DCAF17: variants seen among roughly 807,000 people sequenced by gnomAD.
DCAF17 encodes the protein DDB1 and CUL4 associated factor 17, also known as DDB1- and CUL4-associated factor 17.
In DCAF17, 48 loss-of-function variants were observed where a neutral mutation model predicts 66.0. That is an observed-to-expected ratio of 0.73 (90% CI 0.58 to 0.92). The LOEUF is 0.92. Ranked by LOEUF, DCAF17 falls within the 40% of genes least tolerant of loss-of-function variation. The pLI, the probability that DCAF17 is intolerant of heterozygous loss-of-function variation, is 0.00. For missense variants in DCAF17, 562 were observed against 622.8 expected (o/e 0.90, Z 1.04); for synonymous variants, 206 against 214.6 (o/e 0.96, Z 0.35).
At chr2:171,437,365 C>T (rs1185803248) in intron 2 of DCAF17, among the ~76,000 whole-genome samples, 1 of 152,148 alleles carries the variant, frequency 6.6e-6, no homozygotes, top group Non-Finnish European at 1.5e-5. Context: ...CATTGCAAGG[C>T]CTTGCCACCC....
chr2:171,439,511 CTTTTTTTTTT>C (rs374646610), intron 2 of DCAF17, among the ~76,000 whole-genome samples: 3 of 94,774 alleles, frequency 3.2e-5, no homozygotes, highest in African/African-American at 1.2e-4. Flanking sequence ...CTTTTTTTTC[CTTTTTTTTTT>C]TTTTTTTTTT....
chr2:171,441,815 T>G (rs1376592932), intron 2 of DCAF17, among the ~76,000 whole-genome samples: 2 of 152,254 alleles, frequency 1.3e-5, no homozygotes, highest in African/African-American at 2.4e-5. Context: ...CCCAGGACCA[T>G]TTGCAGAGAC....
At chr2:171,479,706 T>C (rs1415068277) in intron 12 of DCAF17, 2 of 325,618 alleles carry the variant, frequency 6.1e-6, no homozygotes, top group Non-Finnish European at 1.2e-5. Flanking sequence ...GCAAACACAC[T>C]TGTGAGAGGC....
chr2:171,461,405 C>T (rs768928357), intron 8 of DCAF17, among the ~76,000 whole-genome samples: 10 of 150,840 alleles, frequency 6.6e-5, no homozygotes, highest in Admixed American at 2.0e-4. Flanking sequence ...CCAGCCTGGG[C>T]GACAGAGCAA....
chr2:171,448,663 C>T lies in DCAF17; in HGVS notation c.322-18C>T. On this transcript the variant is annotated intron_variant, in intron 3 of 13. Transcript: ENST00000375255. The stretch of plus-strand genomic sequence containing the variant: ...TGGCCAAGCAGTTTCATTTTTATAT[C>T]TCTCTTTTTTTTTTTAGGGAGATAT... 1.3e-6 allele frequency: 2 copies of T among 1,517,938 alleles called. No individual in the cohort carries two copies. Among genetic ancestry groups the T allele is most frequent in the Non-Finnish European group, 1.8e-6 (2 of 1,133,676 alleles). 94.0% of individuals were successfully genotyped at this position (1,517,938 alleles called of 1,614,324 possible).
rs1161550084 is a variant in DCAF17 at position 171,435,189 on chromosome 2, A to G, written c.230+3A>G. 1.9e-6 allele frequency: 3 copies of G among 1,606,232 alleles called. No homozygotes were observed. The highest frequency in any genetic ancestry group is 2.7e-5 in the African/African-American group (2 of 74,684). ...AATTATCGGCGCTGTGTCAGCAGGT[A>G]ACTTTTTATTGATAATTTTGCTGTA... is the stretch of plus-strand genomic sequence containing the variant. On this transcript the variant is annotated splice_donor_region_variant and intron_variant, in intron 2 of 13. Transcript: ENST00000375255.
At chr2:171,458,222 C>A (rs1253012148) in intron 7 of DCAF17, 147 bp downstream of exon 7, 1 of 1,018,706 alleles carries the variant, frequency 9.8e-7, no homozygotes, top group African/African-American at 1.6e-5. Context: ...AGACAAGTAA[C>A]CTTTAAAGCA....
At position 171,448,685 on chromosome 2, in the gene DCAF17, A is replaced by G. The variant is rs777591799; in HGVS notation, c.326A>G (p.Asp109Gly). ...TATCTCTCTTTTTTTTTTTAGGGAG[A>G]TATACTTCCCAATTCATCAGATTAT... is the stretch of plus-strand genomic sequence containing the variant. ...DALLWECPVG[D>G]ILPNSSDYKS... Residue 109 changes from aspartate (D) to glycine (G), a missense_variant, in exon 4 of 14, where the codon GAT becomes GGT. Asp to Gly is a moderately conservative substitution (Grantham distance 94). This residue lies in a region of DCAF17 where 348 missense variants were observed against 355.9 expected (regional missense o/e 0.98). Transcript: ENST00000375255. 1.9e-6 allele frequency: 3 copies of G among 1,575,706 alleles called. No homozygotes were observed. Among genetic ancestry groups the G allele is most frequent in the Admixed American group, 1.9e-5 (1 of 53,826 alleles).
chr2:171,470,119 G>T (rs1281197975), intron 9 of DCAF17, among the ~76,000 whole-genome samples: 1 of 152,106 alleles, frequency 6.6e-6, no homozygotes, highest in African/African-American at 2.4e-5. Context: ...AACCTCCTGG[G>T]CTCAAGTGAT....
Position 171,480,194 on chromosome 2 carries a change from G to C in DCAF17, c.1422+1G>C. On this transcript the variant is annotated splice_donor_variant, in intron 13 of 13. Transcript: ENST00000375255. LOFTEE classifies it high-confidence loss of function. ...TCCACTAGTGGAGTCATGGGATGTG[G>C]TGAGTAGAGTCCGTGGGATACAAAG... is the stretch of plus-strand genomic sequence containing the variant. 3 of 1,613,134 alleles carry C rather than the reference G, an allele frequency of 1.9e-6. No individual in the cohort carries two copies. Among genetic ancestry groups the C allele is most frequent in the Non-Finnish European group, 2.5e-6 (3 of 1,179,588 alleles).
intron 2 of DCAF17, among the ~76,000 whole-genome samples, chr2:171,439,394 A>G (rs931310647): frequency 4.0e-5 from 6 of 151,330 alleles, no homozygotes; most frequent in African/African-American, 1.5e-4. Flanking sequence ...GTTTCTGTTG[A>G]CCTATCTTCA....
chr2:171,475,057 T>C (rs1696434373), intron 10 of DCAF17, among the ~76,000 whole-genome samples: 1 of 152,190 alleles, frequency 6.6e-6, no homozygotes, highest in South Asian at 2.1e-4. Flanking sequence ...TAAAAACCAA[T>C]ATAGTTAGCA....
chr2:171,448,649 T>C (rs1368649211), intron 3 of DCAF17, 32 bp from the exon 4 acceptor site: 1 of 1,527,780 alleles, frequency 6.5e-7, no homozygotes, highest in Non-Finnish European at 8.8e-7. Flanking sequence ...GGCCAAGCAG[T>C]TTCATTTTTA....
chr2:171,464,945 C>T (rs1156933957), intron 8 of DCAF17, among the ~76,000 whole-genome samples: 1 of 152,076 alleles, frequency 6.6e-6, no homozygotes, highest in Non-Finnish European at 1.5e-5. Context: ...CCTGTAATCC[C>T]AGCACTTTGG....
In DCAF17 at chr2:171,435,170, C is replaced by A. The variant is rs886055106; in HGVS notation, c.214C>A (p.Arg72=). 5 of 1,612,824 alleles carry A rather than the reference C, an allele frequency of 3.1e-6. No individual in the cohort carries two copies. Among genetic ancestry groups the A allele is most frequent in the Non-Finnish European group, 4.2e-6 (5 of 1,179,084 alleles). Residue 72 remains arginine, a synonymous_variant, in exon 2 of 14, where the codon CGG becomes AGG. Transcript: ENST00000375255. ...ERGRIYFDNY[R]RCVSSVASEP... The stretch of plus-strand genomic sequence containing the variant: ...AGGAAGAATATATTTTGACAATTAT[C>A]GGCGCTGTGTCAGCAGGTAACTTTT...
intron 12 of DCAF17, chr2:171,479,736 A>G: frequency 2.9e-6 from 1 of 344,422 alleles, no homozygotes; most frequent in South Asian, 2.6e-5. Flanking sequence ...ATACTCTTTT[A>G]AATTTAGAGA....
rs3795996 is a variant in DCAF17 at position 171,481,464 on chromosome 2, G to A, written c.*350G>A. On this transcript the variant is annotated 3_prime_UTR_variant, in exon 14 of 14. Transcript: ENST00000375255. ...GTGGGTCATTGATGAGTTCTTAAAG[G>A]ATGGTATGGAATTTTGTTTGTTAAG... 12,079 of 460,592 alleles carry A rather than the reference G, an allele frequency of 0.026. 188 individuals are homozygous for A. Among genetic ancestry groups the A allele is most frequent in the East Asian group, 0.047 (697 of 14,836 alleles). The allele number at this position is 460,592 out of a possible 1,614,324, so 28.5% of individuals were successfully genotyped here.
At chr2:171,471,879 G>A (rs1295052609) in intron 9 of DCAF17, among the ~76,000 whole-genome samples, 2 of 151,988 alleles carry the variant, frequency 1.3e-5, no homozygotes, top group South Asian at 2.1e-4. Context: ...GCCAAGTGTG[G>A]TGGTGCACAC....
chr2:171,481,025 C>A lies in DCAF17; in HGVS notation c.1474C>A (p.Gln492Lys), dbSNP rs1389538386. ...CAGAGACTTGGTGCTACACATAGAGCAGAAACCCAACAGAGTCTTCAGCTG... is the reference window on the plus strand; with the variant it reads ...CAGAGACTTGGTGCTACACATAGAGAAGAAACCCAACAGAGTCTTCAGCTG... The part of the protein sequence containing the change: ...FDRDLVLHIE[Q>K]KPNRVFSCYV... Residue 492 changes from glutamine (Q) to lysine (K), a missense_variant, in exon 14 of 14, where the codon CAG (glutamine) becomes AAG (lysine). Around this residue, in one of 3 missense-constraint regions of DCAF17, gnomAD observed 201 missense variants for 231.1 expected, o/e 0.87. Coordinates refer to ENST00000375255, the MANE Select transcript of DCAF17 (RefSeq NM_025000.4). 6.2e-7 allele frequency: 1 copy of A among 1,613,782 alleles called. No homozygotes were observed. The highest frequency in any genetic ancestry group is 8.5e-7 in the Non-Finnish European group (1 of 1,179,736).
Sources: allele counts gnomAD v4.1 joint callset (sites outside exome capture counted in the v4.1 genomes callset), GRCh38; gene constraint gnomAD v4.1.1; regional missense constraint gnomAD v4.1.1; transcripts MANE v1.5; gene names NCBI Gene and HGNC (gene_info 2026-07-23, HGNC 2026-07-21).